NOX4: variants seen among roughly 807,000 people sequenced by gnomAD.
NOX4 encodes the protein kidney oxidase-1.
Under a neutral mutation model 87.6 loss-of-function variants are expected in NOX4, and 69 were observed. The observed-to-expected ratio is 0.79, with a 90% confidence interval of 0.65 to 0.96. The LOEUF (loss-of-function observed/expected upper bound fraction) is 0.96, where lower values mean the gene tolerates loss of function less well. NOX4 is among the 40% of genes least tolerant of loss of function. The probability of loss-of-function intolerance (pLI) is 0.00; values close to 1 mark genes in which losing one functional copy is unlikely to be tolerated. For missense variants in NOX4, 680 were observed against 681.5 expected (o/e 1.00, Z 0.02); for synonymous variants, 275 against 238.2 (o/e 1.15, Z -1.42).
chr11:89,482,158 C>A (rs909900397), intron 2 of NOX4, among the ~76,000 whole-genome samples: 3 of 151,954 alleles, frequency 2.0e-5, no homozygotes, highest in Admixed American at 2.0e-4. Context: ...GCTCGACAAA[C>A]CTCTAAGGAG....
chr11:89,380,400 A>T (rs1940192248), intron 11 of NOX4, among the ~76,000 whole-genome samples: 4 of 152,108 alleles, frequency 2.6e-5, no homozygotes, highest in African/African-American at 9.7e-5. Context: ...CTGAACCTGG[A>T]CATTTTTAGT....
chr11:89,433,654 A>G (rs1253816061), intron 6 of NOX4, among the ~76,000 whole-genome samples: 1 of 152,108 alleles, frequency 6.6e-6, no homozygotes, highest in East Asian at 1.9e-4. Context: ...AGGTTTCTAG[A>G]ATAAACTACA....
At chr11:89,539,875 A>T in the NOX4 span, among the ~76,000 whole-genome samples, 2 of 151,746 alleles carry the variant, frequency 1.3e-5, no homozygotes, top group Non-Finnish European at 2.9e-5. Flanking sequence ...ATTTTCAGCC[A>T]TTTTAATTCA....
upstream of NOX4, among the ~76,000 whole-genome samples, chr11:89,496,799 C>A (rs775527969): frequency 6.6e-6 from 1 of 152,176 alleles, no homozygotes; most frequent in Non-Finnish European, 1.5e-5. Context: ...CTTTATGTTT[C>A]TCTCTGTCAT....
At chr11:89,565,600 AT>A in the NOX4 span, among the ~76,000 whole-genome samples, 1 of 152,074 alleles carries the variant, frequency 6.6e-6, no homozygotes. Context: ...TCATAATAAC[AT>A]TTGCTACAAG....
At chr11:89,510,438 TGATAGAGTGA>T in the NOX4 span, among the ~76,000 whole-genome samples, 12 of 152,198 alleles carry the variant, frequency 7.9e-5, no homozygotes, top group East Asian at 2.1e-3. Context: ...ACTACGAATA[TGATAGAGTGA>T]GATTACTACA....
intron 12 of NOX4, among the ~76,000 whole-genome samples, chr11:89,368,550 T>C (rs576187946): frequency 3.0e-4 from 46 of 152,054 alleles, no homozygotes; most frequent in African/African-American, 1.1e-3. Context: ...GGAACACACA[T>C]GGTAGAAGAG....
At chr11:89,445,604 G>A (rs1397248994) in intron 4 of NOX4, among the ~76,000 whole-genome samples, 1 of 152,096 alleles carries the variant, frequency 6.6e-6, no homozygotes, top group Non-Finnish European at 1.5e-5. Context: ...AAGAGCAAAA[G>A]CAATACAAAG....
intron 17 of NOX4, among the ~76,000 whole-genome samples, chr11:89,331,881 C>T (rs1945489990): frequency 6.6e-6 from 1 of 151,550 alleles, no homozygotes; most frequent in African/African-American, 2.4e-5. Context: ...TCCCTAATGT[C>T]ACTCTCACTA....
chr11:89,502,617 T>G (rs1396947575), upstream of NOX4, among the ~76,000 whole-genome samples: 1 of 152,032 alleles, frequency 6.6e-6, no homozygotes, highest in Non-Finnish European at 1.5e-5. Context: ...TCCACCATCA[T>G]TTTTGGAATT....
intron 2 of NOX4, 105 bp downstream of exon 2, chr11:89,490,353 G>C: frequency 1.3e-6 from 1 of 762,310 alleles, no homozygotes; most frequent in Middle Eastern, 2.7e-4. Context: ...GGTTTTCAAA[G>C]TGAAGAGTGC....
the NOX4 span, among the ~76,000 whole-genome samples, chr11:89,503,487 C>G: frequency 6.6e-6 from 1 of 151,774 alleles, no homozygotes; most frequent in African/African-American, 2.4e-5. Context: ...AATTACATTT[C>G]CTCTTTTCAG....
intron 2 of NOX4, among the ~76,000 whole-genome samples, chr11:89,467,261 G>A (rs756507972): frequency 4.3e-5 from 6 of 138,708 alleles, no homozygotes; most frequent in Non-Finnish European, 9.1e-5. Flanking sequence ...TGAGGCAGGA[G>A]AATGGTGTGA....
In NOX4 at chr11:89,389,307, G is replaced by A. The variant is rs1940950281; in HGVS notation, c.1074+10710C>T. ...CAACCTTTGCCCTCCTAATAAATTC[G>A]TGCTTAAAGCTTAGCTTTACCTTGA... On this transcript the variant is annotated intron_variant, in intron 11 of 17. Transcript: ENST00000263317. Among the ~76,000 whole-genome samples the A allele has an allele frequency of 2.6e-5, 4 of 152,068 alleles. No homozygotes were observed. The South Asian group carries it at 6.2e-4, about 24-fold the overall frequency.
chr11:89,581,345 G>A, the NOX4 span, among the ~76,000 whole-genome samples: 1 of 152,232 alleles, frequency 6.6e-6, no homozygotes, highest in South Asian at 2.1e-4. Context: ...AGGTCCTTTT[G>A]TCCTCTAGAC....
chr11:89,501,271 A>G (rs1353340083), upstream of NOX4, among the ~76,000 whole-genome samples: 1 of 152,016 alleles, frequency 6.6e-6, no homozygotes, highest in Non-Finnish European at 1.5e-5. Flanking sequence ...AAATTCCCCT[A>G]ATTTGAGACT....
chr11:89,340,134 A>G lies in NOX4; in HGVS notation c.1375T>C (p.Phe459Leu), dbSNP rs745316929. 2.5e-6 allele frequency: 4 copies of G among 1,591,598 alleles called. No individual in the cohort carries two copies. In the East Asian group the frequency reaches 9.2e-5, roughly 36 times the overall value. ...TGGATATCTCTGCATACCCAAATAAAGTATAGTCTTCTAAGCTTGTATGGT... is the reference window on the plus strand; with the variant it reads ...TGGATATCTCTGCATACCCAAATAAGGTATAGTCTTCTAAGCTTGTATGGT... ...WKPYKLRRLYFIWVCRDIQSF... is the reference protein window; with the variant it reads ...WKPYKLRRLYLIWVCRDIQSF... Residue 459 changes from phenylalanine (F) to leucine (L), a missense_variant, in exon 15 of 18, where the codon TTT becomes CTT. By Grantham distance (22) the Phe-to-Leu change is conservative (BLOSUM62 0). Transcript: ENST00000263317.
At chr11:89,442,761 A>G (rs1363737895) in intron 5 of NOX4, among the ~76,000 whole-genome samples, 1 of 152,200 alleles carries the variant, frequency 6.6e-6, no homozygotes, top group Non-Finnish European at 1.5e-5. Flanking sequence ...AAATTTAATA[A>G]CTGAAAATTT....
the NOX4 span, among the ~76,000 whole-genome samples, chr11:89,549,504 A>G: frequency 6.6e-6 from 1 of 152,180 alleles, no homozygotes; most frequent in African/African-American, 2.4e-5. Flanking sequence ...TAATTTTTTT[A>G]TTATACTTTA....
Sources: allele counts gnomAD v4.1 joint callset (sites outside exome capture counted in the v4.1 genomes callset), GRCh38; gene constraint gnomAD v4.1.1; transcripts MANE v1.5; gene names NCBI Gene and HGNC (gene_info 2026-07-23, HGNC 2026-07-21).